Variants in GREB1L observed in about 807,000 individuals in gnomAD.
The protein encoded by GREB1L is GREB1-like protein.
Under a neutral mutation model 200.8 loss-of-function variants are expected in GREB1L, and 17 were observed. The ratio of observed to expected loss-of-function variants is 0.08; its 90% CI spans 0.06 to 0.13. The LOEUF (loss-of-function observed/expected upper bound fraction) is 0.13. GREB1L is among the 10% of genes least tolerant of loss of function. The pLI is 1.00. For missense variants in GREB1L, 1,657 were observed against 2,367.7 expected (o/e 0.70, Z 6.23); for synonymous variants, 789 against 893.0 (o/e 0.88, Z 2.08).
At chr18:21,274,895 T>A (rs1413629565) in intron 1 of GREB1L, among the ~76,000 whole-genome samples, 1 of 150,702 alleles carries the variant, frequency 6.6e-6, no homozygotes, top group Non-Finnish European at 1.5e-5. Flanking sequence ...TCTAAAAAAA[T>A]AATAATAATT....
Position 21,409,896 on chromosome 18 carries a change from T to C in GREB1L, c.832+5902T>C, listed in dbSNP as rs559466983. Among the ~76,000 whole-genome samples the C allele has an allele frequency of 5.3e-5, 8 of 152,264 alleles. No homozygotes were observed. In the South Asian group the frequency reaches 8.3e-4, roughly 16 times the overall value. On this transcript the variant is annotated intron_variant, in intron 7 of 32. Coordinates refer to ENST00000424526, the MANE Select transcript of GREB1L (RefSeq NM_001142966.3). ...GCTTGTGTGACACTGTTCCCTGTTA[T>C]AATGATTTGCAAACCATGTATATTC...
At chr18:21,490,489 G>A in intron 19 of GREB1L, 138 bp downstream of exon 19, 1 of 722,864 alleles carries the variant, frequency 1.4e-6, no homozygotes, top group Non-Finnish European at 2.3e-6. Context: ...CTAAATTAAG[G>A]GACATATTCA....
chr18:21,363,271 A>ACC (rs1567951929), intron 1 of GREB1L, among the ~76,000 whole-genome samples: 1 of 7,328 alleles, frequency 1.4e-4, no homozygotes. Context: ...CCCTGCCCCC[A>ACC]CTCCGCCTCC....
At chr18:21,412,205 C>T (rs1476408351) in intron 7 of GREB1L, among the ~76,000 whole-genome samples, 2 of 151,390 alleles carry the variant, frequency 1.3e-5, no homozygotes, top group Non-Finnish European at 2.9e-5. Context: ...CAAGACTAGC[C>T]TTGTCTTGAA....
intron 1 of GREB1L, among the ~76,000 whole-genome samples, chr18:21,263,037 C>A (rs1040619828): frequency 5.3e-5 from 8 of 151,970 alleles, no homozygotes; most frequent in Non-Finnish European, 8.8e-5. Context: ...AGGTTTATAC[C>A]CCACATGCAG....
At chr18:21,282,127 G>A (rs1285558139) in intron 1 of GREB1L, among the ~76,000 whole-genome samples, 2 of 151,920 alleles carry the variant, frequency 1.3e-5, no homozygotes, top group Non-Finnish European at 2.9e-5. Context: ...TTAAAAAAAA[G>A]AAGCCAGGGG....
intron 7 of GREB1L, among the ~76,000 whole-genome samples, chr18:21,425,989 T>C (rs1268995304): frequency 6.6e-6 from 1 of 152,208 alleles, no homozygotes; most frequent in East Asian, 1.9e-4. Context: ...TCCTGTGTTT[T>C]CTTCTAAGAG....
chr18:21,496,026 G>A lies in GREB1L; in HGVS notation c.3146+241G>A, dbSNP rs150398157. On this transcript the variant is annotated intron_variant, in intron 20 of 32. Transcript: ENST00000424526. ...GCCACATTTGAGAAATGTCAGAGAG[G>A]CAGGGAGGAAAAGCAGGATTTTTTT... Among the ~76,000 whole-genome samples, 317 of 152,246 alleles carry A rather than the reference G, an allele frequency of 2.1e-3. 1 individual carries two copies. The highest frequency in any genetic ancestry group is 7.4e-3 in the African/African-American group (307 of 41,532).
At chr18:21,436,380 A>G (rs1372551462) in intron 7 of GREB1L, among the ~76,000 whole-genome samples, 1 of 152,074 alleles carries the variant, frequency 6.6e-6, no homozygotes, top group African/African-American at 2.4e-5. Context: ...ACGCCTGTAA[A>G]CCCATCACTT....
rs1598819953 is a variant in GREB1L at position 21,429,265 on chromosome 18, C to G, written c.833-10256C>G. ...CTCCTCTCCTCTCCTCTCCTGTCCT[C>G]TCCTCTCCTCTCCTCTCCTCCCCTC... is the stretch of plus-strand genomic sequence containing the variant. On this transcript the variant is annotated intron_variant, in intron 7 of 32. Transcript: ENST00000424526. Among the ~76,000 whole-genome samples, 5 of 108,980 alleles carry G rather than the reference C, an allele frequency of 4.6e-5. 1 individual carries two copies. In the South Asian group the frequency reaches 1.6e-3, roughly 36 times the overall value. The allele number at this position is 108,980 out of a possible 152,430, so 71.5% of individuals were successfully genotyped here. A position where few individuals can be genotyped will look rare whatever the true frequency, so the allele number is the denominator to read the frequency against.
At chr18:21,276,413 C>T (rs1490671079) in intron 1 of GREB1L, among the ~76,000 whole-genome samples, 1 of 152,204 alleles carries the variant, frequency 6.6e-6, no homozygotes, top group Non-Finnish European at 1.5e-5. Flanking sequence ...TCTACATTCA[C>T]GGTCTCTCCC....
chr18:21,435,481 G>A (rs555317459), intron 7 of GREB1L, among the ~76,000 whole-genome samples: 6 of 152,268 alleles, frequency 3.9e-5, no homozygotes, highest in South Asian at 4.1e-4. Flanking sequence ...ACAGAAGAAC[G>A]CAGAGCAAAG....
intron 2 of GREB1L, among the ~76,000 whole-genome samples, chr18:21,373,444 C>A (rs1391292016): frequency 6.6e-6 from 1 of 152,140 alleles, no homozygotes; most frequent in Admixed American, 6.5e-5. Context: ...TGCGATTCTC[C>A]TGCCTCAGTC....
chr18:21,497,924 C>T (rs1299602033), intron 21 of GREB1L, among the ~76,000 whole-genome samples: 4 of 147,428 alleles, frequency 2.7e-5, no homozygotes, highest in African/African-American at 7.5e-5. Context: ...CAGGTTCAAG[C>T]GATTCTCCTG....
chr18:21,512,203 A>G (rs763915520), intron 27 of GREB1L, among the ~76,000 whole-genome samples: 7 of 152,176 alleles, frequency 4.6e-5, no homozygotes, highest in Non-Finnish European at 8.8e-5. Context: ...GAATCGCAGG[A>G]TAGATTTTTC....
intron 3 of GREB1L, among the ~76,000 whole-genome samples, chr18:21,383,918 G>T (rs2144065893): frequency 6.6e-6 from 1 of 152,076 alleles, no homozygotes; most frequent in Middle Eastern, 3.4e-3. Flanking sequence ...ATTTCACCAT[G>T]TTGGTCAGGC....
chr18:21,405,958 C>G (rs1347195942), intron 7 of GREB1L, among the ~76,000 whole-genome samples: 2 of 151,342 alleles, frequency 1.3e-5, no homozygotes, highest in African/African-American at 4.9e-5. Flanking sequence ...ATAGTGAAAC[C>G]CCATCTCTAC....
chr18:21,281,992 G>A (rs1467777399), intron 1 of GREB1L, among the ~76,000 whole-genome samples: 1 of 152,060 alleles, frequency 6.6e-6, no homozygotes, highest in African/African-American at 2.4e-5. Flanking sequence ...TTATTGTGTG[G>A]CTAGGCACAG....
chr18:21,278,235 C>T (rs1419932466), intron 1 of GREB1L, among the ~76,000 whole-genome samples: 2 of 151,712 alleles, frequency 1.3e-5, no homozygotes, highest in Non-Finnish European at 2.9e-5. Flanking sequence ...TAAAAATTAG[C>T]CAGGCGTGGT....
Sources: gnomAD v4.1 joint callset for allele counts (sites outside exome capture counted in the v4.1 genomes callset) on GRCh38, gnomAD v4.1.1 for gene constraint, MANE v1.5 for transcripts, NCBI Gene and HGNC (gene_info 2026-07-23, HGNC 2026-07-21) for gene names.